The following SDK2 variants were observed in gnomAD, a reference collection of about 807,000 sequenced individuals.
SDK2 encodes the protein protein sidekick-2.
A neutral mutation model predicts 253.9 loss-of-function variants in SDK2; 105 were observed. The ratio of observed to expected loss-of-function variants is 0.41; its 90% confidence interval spans 0.35 to 0.49. SDK2 has a LOEUF of 0.49. Ranked by LOEUF, SDK2 falls within the 20% of genes least tolerant of loss-of-function variation. The pLI, the probability that SDK2 is intolerant of heterozygous loss-of-function variation, is 0.06. For synonymous variants in SDK2, 1,249 were observed against 1,234.9 expected (o/e 1.01, Z -0.24); for missense variants, 2,608 against 3,003.0 (o/e 0.87, Z 3.07).
chr17:73,443,905 C>T lies in SDK2; in HGVS notation c.614-2982G>A, dbSNP rs2063433536. On this transcript the variant is annotated intron_variant, in intron 5 of 44. Transcript: ENST00000392650. This position sits in a 1 kb window ranked among gnomAD's most constrained non-coding sequence, Gnocchi z 4.6. ...TGCTTGACACGTGCCAGGCTGTGTTCCAGGCACCAGAGATTCTCCACCAAG... is the reference window on the plus strand; with the variant it reads ...TGCTTGACACGTGCCAGGCTGTGTTTCAGGCACCAGAGATTCTCCACCAAG... 6.6e-6 allele frequency among the ~76,000 whole-genome samples: 1 copy of T among 152,136 alleles called. No individual in the cohort carries two copies. The highest frequency in any genetic ancestry group is 2.1e-4 in the South Asian group (1 of 4,822).
intron 1 of SDK2, chr17:73,641,107 G>A (rs918844068): frequency 6.6e-6 from 1 of 152,244 alleles, no homozygotes; most frequent in South Asian, 2.1e-4. Flanking sequence ...GGCCATGGAA[G>A]GAATTTAAAG....
At chr17:73,619,634 T>C (rs2046104564) in intron 1 of SDK2, among the ~76,000 whole-genome samples, 1 of 152,066 alleles carries the variant, frequency 6.6e-6, no homozygotes, top group Admixed American at 6.6e-5. Flanking sequence ...ACCATAAAAC[T>C]CTTAGAAGAA....
chr17:73,415,921 A>T lies in SDK2; in HGVS notation c.2258T>A (p.Leu753Gln). The change falls in exon 17 of 45, where the codon CTG (leucine) becomes CAG (glutamine). Residue 753 changes from leucine (L) to glutamine (Q), a missense_variant. This residue lies in a region of SDK2 where 1,505 missense variants were observed against 1,859.1 expected (regional missense o/e 0.81). Coordinates refer to ENST00000392650, the MANE Select transcript of SDK2 (RefSeq NM_001144952.2). ...GGTCCAAATGATGAGATCCTCCAGC[A>T]GCAGGTTGTTCACATCAGCATCCGT... ...NITDADVNNL[L>Q]LEDLIIWTNY... The T allele has an allele frequency of 1.2e-6, 2 of 1,610,186 alleles. No homozygotes were observed. The highest frequency in any genetic ancestry group is 1.7e-6 in the Non-Finnish European group (2 of 1,178,444).
At chr17:73,406,117 G>A (rs2063076449) in intron 18 of SDK2, among the ~76,000 whole-genome samples, 1 of 152,068 alleles carries the variant, frequency 6.6e-6, no homozygotes, top group Non-Finnish European at 1.5e-5. Flanking sequence ...TATTGTTTGG[G>A]GGAATAATGA....
chr17:73,350,881 A>G (rs1000391381), intron 41 of SDK2, 91 bp from the exon 42 acceptor site: 4 of 1,371,174 alleles, frequency 2.9e-6, no homozygotes, highest in South Asian at 1.4e-5. Context: ...AACTGCTACA[A>G]TCTATGGGAA....
rs372925045 is a variant in SDK2, at chr17:73,435,519, C to T, written c.1126G>A (p.Gly376Ser). ...QISGLVPDDTGMFQCFARNAA... is the reference protein window; with the variant it reads ...QISGLVPDDTSMFQCFARNAA... ...TTGCGGGCGAAGCACTGGAACATGC[C>T]GGTATCATCGGGCACCAGGCCGCTG... is the stretch of plus-strand genomic sequence containing the variant. Residue 376 changes from glycine (G) to serine (S), a missense_variant, in exon 9 of 45, where the codon GGC becomes AGC. Coordinates refer to ENST00000392650, the MANE Select transcript of SDK2 (RefSeq NM_001144952.2). The surrounding 1 kb of genome is among the most constrained non-coding windows in gnomAD (Gnocchi z 5.7). 53 of 1,600,148 alleles carry T rather than the reference C, an allele frequency of 3.3e-5. No individual in the cohort carries two copies. The highest frequency in any genetic ancestry group is 1.7e-4 in the Admixed American group (10 of 58,350).
At chr17:73,533,350 G>C (rs1457460286) in intron 1 of SDK2, among the ~76,000 whole-genome samples, 1 of 152,234 alleles carries the variant, frequency 6.6e-6, no homozygotes, top group East Asian at 1.9e-4. Flanking sequence ...GCAGGCTGCC[G>C]AGCCTGGAGG....
intron 1 of SDK2, among the ~76,000 whole-genome samples, chr17:73,583,489 C>T (rs1219091666): frequency 6.6e-6 from 1 of 152,156 alleles, no homozygotes; most frequent in Non-Finnish European, 1.5e-5. Context: ...CAGCTCCCCA[C>T]CAAATAAAGA....
chr17:73,353,378 C>G (rs957880983), intron 40 of SDK2, among the ~76,000 whole-genome samples: 5 of 152,176 alleles, frequency 3.3e-5, no homozygotes, highest in Non-Finnish European at 7.3e-5. Flanking sequence ...TAATTCAAAA[C>G]ATACACAATG....
At chr17:73,528,446 T>C (rs533695848) in intron 1 of SDK2, among the ~76,000 whole-genome samples, 7 of 152,252 alleles carry the variant, frequency 4.6e-5, no homozygotes, top group African/African-American at 1.7e-4. Flanking sequence ...CTACCACTTC[T>C]CTAATAGATG....
At chr17:73,371,113 T>A (rs1468754110) in intron 36 of SDK2, among the ~76,000 whole-genome samples, 1 of 152,200 alleles carries the variant, frequency 6.6e-6, no homozygotes, top group Admixed American at 6.5e-5. Context: ...TATGGATAGA[T>A]GAATGAAAGC....
At chr17:73,355,916 C>T (rs1057365572) in intron 40 of SDK2, among the ~76,000 whole-genome samples, 2 of 152,206 alleles carry the variant, frequency 1.3e-5, no homozygotes, top group African/African-American at 2.4e-5. Flanking sequence ...AATTCTCTCA[C>T]TCATCTTTGA....
intron 1 of SDK2, among the ~76,000 whole-genome samples, chr17:73,574,648 C>T (rs566396972): frequency 6.6e-6 from 1 of 152,264 alleles, no homozygotes; most frequent in Admixed American, 6.5e-5. Context: ...TCACCTCTAC[C>T]TCCCCTTCGG....
chr17:73,551,299 C>T lies in SDK2; in HGVS notation c.65-43702G>A, dbSNP rs12600389. 2.2e-4 allele frequency among the ~76,000 whole-genome samples: 34 copies of T among 152,322 alleles called. No individual in the cohort carries two copies. In the East Asian group the frequency reaches 5.0e-3, roughly 23 times the overall value. On this transcript the variant is annotated intron_variant, in intron 1 of 44. Coordinates refer to ENST00000392650, the MANE Select transcript of SDK2 (RefSeq NM_001144952.2). Reference sequence around the variant, plus strand: ...CCCCAGCCCGATTCATCAAGCTCCCCGTGGCACGTTGCATGGCCAGAGACC... The same window carrying T: ...CCCCAGCCCGATTCATCAAGCTCCCTGTGGCACGTTGCATGGCCAGAGACC...
intron 15 of SDK2, among the ~76,000 whole-genome samples, 193 bp downstream of exon 15, chr17:73,422,094 T>G (rs1269579717): frequency 6.6e-6 from 1 of 152,180 alleles, no homozygotes; most frequent in African/African-American, 2.4e-5. Context: ...CCCAGTGCCC[T>G]ACTCAGAGCA....
intron 1 of SDK2, among the ~76,000 whole-genome samples, chr17:73,634,972 C>T (rs936764193): frequency 1.3e-5 from 2 of 151,764 alleles, no homozygotes; most frequent in African/African-American, 4.8e-5. Context: ...CAGGGAGTCA[C>T]CCGCATTTCA....
At chr17:73,374,880 A>T (rs569182712) in intron 36 of SDK2, among the ~76,000 whole-genome samples, 3 of 152,300 alleles carry the variant, frequency 2.0e-5, no homozygotes, top group South Asian at 4.1e-4. Flanking sequence ...CGGATAGTTC[A>T]GATGCCTCCC....
chr17:73,573,315 C>T (rs371250270), intron 1 of SDK2, among the ~76,000 whole-genome samples: 24 of 152,232 alleles, frequency 1.6e-4, no homozygotes, highest in East Asian at 5.8e-4. Context: ...AGAGCTCCAG[C>T]GTGGTGGGCT....
intron 38 of SDK2, among the ~76,000 whole-genome samples, chr17:73,364,778 C>T (rs2062669754): frequency 6.6e-6 from 1 of 152,108 alleles, no homozygotes; most frequent in Non-Finnish European, 1.5e-5. Context: ...CCCACCACCA[C>T]ACCCGGCTAA....
Sources: allele counts gnomAD v4.1 joint callset (sites outside exome capture counted in the v4.1 genomes callset), GRCh38; gene constraint gnomAD v4.1.1; regional missense constraint gnomAD v4.1.1; non-coding constraint Gnocchi (gnomAD v3.1); transcripts MANE v1.5; gene names NCBI Gene and HGNC (gene_info 2026-07-23, HGNC 2026-07-21).